Variants in RASAL2 observed in about 807,000 individuals in gnomAD.
The protein encoded by RASAL2 is RAS protein activator like 2.
RASAL2 carries 58 observed loss-of-function variants against 128.9 expected under a neutral mutation model. The ratio of observed to expected loss-of-function variants is 0.45; its 90% CI spans 0.36 to 0.56. The LOEUF is 0.56. Among genes scored for constraint, RASAL2 ranks in the 20% least tolerant of loss-of-function variants. The pLI, the probability that RASAL2 is intolerant of heterozygous loss-of-function variation, is 0.00. For synonymous variants in RASAL2, 561 were observed against 580.8 expected (o/e 0.97, Z 0.49); for missense variants, 1,360 against 1,601.6 (o/e 0.85, Z 2.57).
chr1:178,174,421 A>T (rs1052126771), intron 1 of RASAL2, among the ~76,000 whole-genome samples: 2 of 152,104 alleles, frequency 1.3e-5, no homozygotes, highest in African/African-American at 4.8e-5. Context: ...TGGAAAATTT[A>T]AAAAGCTTTC....
At chr1:178,118,474 G>A (rs150513558) in intron 1 of RASAL2, among the ~76,000 whole-genome samples, 2 of 152,282 alleles carry the variant, frequency 1.3e-5, no homozygotes, top group African/African-American at 4.8e-5. Flanking sequence ...CACAAAGTGT[G>A]TTGCGATCTC....
At chr1:178,238,184 C>G (rs1409432247) in intron 1 of RASAL2, among the ~76,000 whole-genome samples, 1 of 152,136 alleles carries the variant, frequency 6.6e-6, no homozygotes, top group Non-Finnish European at 1.5e-5. Flanking sequence ...CAATATGTGA[C>G]ATTTTGTGTC....
intron 4 of RASAL2, among the ~76,000 whole-genome samples, chr1:178,395,771 G>GTATATATATATATATATATATATATA (rs57664965): frequency 4.5e-5 from 6 of 132,996 alleles, no homozygotes; most frequent in African/African-American, 1.7e-4. Flanking sequence ...TTAATGAACA[G>GTATATATATATATATATATATATATA]TATATATATA....
chr1:178,456,748 C>A lies in RASAL2; in HGVS notation c.2239C>A (p.Pro747Thr). ...KATVAKLGPL[P>T]RVLADITKSL... ...GACCGTGGCAAAATTGGGGCCTCTC[C>A]CTCGTGTTCTTGCTGATATTACCAA... The change falls in exon 13 of 18, where the codon CCT (proline) becomes ACT (threonine). Residue 747 changes from proline to threonine, a missense_variant. Around this residue, in one of 3 missense-constraint regions of RASAL2, gnomAD observed 741 missense variants for 868.6 expected, o/e 0.85. Coordinates refer to ENST00000367649, the MANE Select transcript of RASAL2 (RefSeq NM_170692.4). 6.2e-7 allele frequency: 1 copy of A among 1,614,092 alleles called. No individual in the cohort carries two copies. The highest frequency in any genetic ancestry group is 8.5e-7 in the Non-Finnish European group (1 of 1,180,006).
intron 1 of RASAL2, chr1:178,123,009 G>A (rs1659772837): frequency 6.6e-6 from 1 of 152,158 alleles, no homozygotes; most frequent in South Asian, 2.1e-4. Flanking sequence ...TAATGTGTGT[G>A]CCAAATTCAG....
chr1:178,439,297 A>G, intron 5 of RASAL2, 125 bp from the exon 6 acceptor site: 2 of 795,688 alleles, frequency 2.5e-6, no homozygotes, highest in Non-Finnish European at 3.8e-6. Flanking sequence ...ATTAACTATT[A>G]ATTTGTTCCT....
At chr1:178,320,790 T>C (rs1026837670) in intron 3 of RASAL2, among the ~76,000 whole-genome samples, 1 of 152,198 alleles carries the variant, frequency 6.6e-6, no homozygotes, top group African/African-American at 2.4e-5. Flanking sequence ...ACCGGAGCTG[T>C]TCCTATTCGG....
At chr1:178,185,224 G>C (rs71628269) in intron 1 of RASAL2, among the ~76,000 whole-genome samples, 1 of 150,884 alleles carries the variant, frequency 6.6e-6, no homozygotes, top group Non-Finnish European at 1.5e-5. Flanking sequence ...CTGCTTTTTG[G>C]TTCCGAGAGG....
At chr1:178,372,936 C>T (rs1360416533) in intron 3 of RASAL2, among the ~76,000 whole-genome samples, 8 of 152,054 alleles carry the variant, frequency 5.3e-5, no homozygotes, top group African/African-American at 1.7e-4. Flanking sequence ...GGTTGTAAAT[C>T]CAGTCATATC....
Position 178,300,023 on chromosome 1 carries a change from C to T in RASAL2, c.362C>T (p.Thr121Ile), listed in dbSNP as rs1475926858. 5.6e-6 allele frequency: 9 copies of T among 1,614,006 alleles called. No homozygotes were observed. Among genetic ancestry groups the T allele is most frequent in the Non-Finnish European group, 7.6e-6 (9 of 1,179,954 alleles). The change falls in exon 3 of 18, where the codon ACA becomes ATA. Residue 121 changes from threonine to isoleucine, a missense_variant. Thr to Ile is a moderately conservative substitution (Grantham distance 89). This residue lies in a region of RASAL2 where 617 missense variants were observed against 714.2 expected (regional missense o/e 0.86). Coordinates refer to ENST00000367649, the MANE Select transcript of RASAL2 (RefSeq NM_170692.4). ...IPVEGGQEQQ[T>I]DSTKGRCLRR... ...GTGGAAGGGGGACAGGAGCAGCAGACAGATTCCACCAAAGGGCGATGCCTG... is the reference window on the plus strand; with the variant it reads ...GTGGAAGGGGGACAGGAGCAGCAGATAGATTCCACCAAAGGGCGATGCCTG...
At chr1:178,254,163 C>T (rs1665199995) in intron 1 of RASAL2, among the ~76,000 whole-genome samples, 1 of 152,158 alleles carries the variant, frequency 6.6e-6, no homozygotes, top group Non-Finnish European at 1.5e-5. Flanking sequence ...ATGCTGTTGT[C>T]TCTGTGTGAG....
At position 178,300,247 on chromosome 1, in the gene RASAL2, C is replaced by T. The variant is rs548449758; in HGVS notation, c.457+129C>T. On this transcript the variant is annotated intron_variant, in intron 3 of 17. Transcript: ENST00000367649. ...GCTTTGAAATCAATGGCACGTTAAG[C>T]GAGAGTTAGAGGTCATTAGAGAGTT... 2.1e-5 allele frequency: 23 copies of T among 1,091,560 alleles called. No individual in the cohort carries two copies. In the African/African-American group the frequency reaches 3.0e-4, roughly 14 times the overall value. 67.6% of individuals were successfully genotyped at this position (1,091,560 alleles called of 1,614,324 possible).
At chr1:178,400,953 G>A (rs1286614291) in intron 4 of RASAL2, among the ~76,000 whole-genome samples, 1 of 152,168 alleles carries the variant, frequency 6.6e-6, no homozygotes, top group African/African-American at 2.4e-5. Context: ...GTTTTGCCAT[G>A]TTGGCCAGGC....
intron 1 of RASAL2, among the ~76,000 whole-genome samples, chr1:178,097,340 T>G (rs1658730872): frequency 6.6e-6 from 1 of 152,218 alleles, no homozygotes; most frequent in Non-Finnish European, 1.5e-5. Context: ...GCTTGGCCCA[T>G]TATTTTACCT....
In RASAL2 at chr1:178,134,140, T is replaced by TCAGGGATTCTCATAACATTGTAGGC. The variant is rs1660223241; in HGVS notation, c.202+39447_202+39471dup. Reference sequence around the variant, plus strand: ...AGCCACTTAGCAGAGTTGTTCTGGCTCAGGGATTCTCATAACATTGTAGGC... The same window carrying TCAGGGATTCTCATAACATTGTAGGC: ...AGCCACTTAGCAGAGTTGTTCTGGCTCAGGGATTCTCATAACATTGTAGGCCAGGGATTCTCATAACATTGTAGGC... On this transcript the variant is annotated intron_variant, in intron 1 of 17. Transcript: ENST00000367649. Among the ~76,000 whole-genome samples the TCAGGGATTCTCATAACATTGTAGGC allele has an allele frequency of 3.3e-5, 5 of 152,314 alleles. No homozygotes were observed. The South Asian group carries it at 1.0e-3, about 32-fold the overall frequency.
At chr1:178,220,597 CT>C (rs1405081601) in intron 1 of RASAL2, among the ~76,000 whole-genome samples, 1 of 152,132 alleles carries the variant, frequency 6.6e-6, no homozygotes, top group East Asian at 1.9e-4. Context: ...TGCCACAAAC[CT>C]TAATTTTATA....
At chr1:178,323,107 T>A (rs1190916106) in intron 3 of RASAL2, among the ~76,000 whole-genome samples, 1 of 151,062 alleles carries the variant, frequency 6.6e-6, no homozygotes, top group Non-Finnish European at 1.5e-5. Flanking sequence ...TCAGAATTCA[T>A]TAGCATTTTT....
chr1:178,096,171 T>C (rs1250194992), intron 1 of RASAL2, among the ~76,000 whole-genome samples: 2 of 152,212 alleles, frequency 1.3e-5, no homozygotes, highest in Non-Finnish European at 2.9e-5. Context: ...AATCTGAAAG[T>C]GCATATGAAT....
At chr1:178,137,200 G>A (rs1025862070) in intron 1 of RASAL2, among the ~76,000 whole-genome samples, 1 of 152,104 alleles carries the variant, frequency 6.6e-6, no homozygotes, top group Admixed American at 6.5e-5. Context: ...ATTAGTTTCA[G>A]GATTTTATTC....
Sources: allele counts gnomAD v4.1 joint callset (sites outside exome capture counted in the v4.1 genomes callset), GRCh38; gene constraint gnomAD v4.1.1; regional missense constraint gnomAD v4.1.1; transcripts MANE v1.5; gene names NCBI Gene and HGNC (gene_info 2026-07-23, HGNC 2026-07-21).